Variants in DHRS12 observed in about 807,000 individuals in gnomAD.
DHRS12 encodes the protein dehydrogenase/reductase 12.
Under a neutral mutation model 32.1 loss-of-function variants are expected in DHRS12, and 29 were observed. The observed-to-expected ratio is 0.90, with a 90% confidence interval of 0.67 to 1.23. The LOEUF is 1.23. Ranked by LOEUF, DHRS12 falls within the 50% of genes most tolerant of loss-of-function variation. The pLI is 0.00. For synonymous variants in DHRS12, 150 were observed against 135.9 expected, an observed-to-expected ratio of 1.10 and a Z score of -0.72; for missense variants, 330 against 337.2, an observed-to-expected ratio of 0.98 and a Z score of 0.17.
the DHRS12 span, chr13:51,761,198 A>T: frequency 2.0e-5 from 3 of 152,174 alleles, no homozygotes; most frequent in East Asian, 1.9e-4. Flanking sequence ...AGTGCAGGCT[A>T]TGTTTCTGTG....
chr13:51,758,154 C>G, the DHRS12 span: 1 of 1,492,420 alleles, frequency 6.7e-7, no homozygotes, highest in South Asian at 1.3e-5. Context: ...CATATGTCAC[C>G]ACCTTTTCCC....
chr13:51,758,912 G>A, the DHRS12 span, among the ~76,000 whole-genome samples: 2 of 152,168 alleles, frequency 1.3e-5, no homozygotes, highest in African/African-American at 4.8e-5. Flanking sequence ...GGCTGGGTGT[G>A]TTGACTCACG....
At chr13:51,756,271 T>G in the DHRS12 span, 2 of 1,559,976 alleles carry the variant, frequency 1.3e-6, no homozygotes, top group Non-Finnish European at 1.7e-6. Flanking sequence ...AGGGGTGAGA[T>G]GCGGGGGCCT....
At chr13:51,770,084 T>C (rs1953943488) in intron 7 of DHRS12, among the ~76,000 whole-genome samples, 1 of 152,194 alleles carries the variant, frequency 6.6e-6, no homozygotes, top group Admixed American at 6.5e-5. Context: ...CTTACTGAGA[T>C]CATGGAATTT....
intron 4 of DHRS12, among the ~76,000 whole-genome samples, chr13:51,780,430 G>T (rs574961426): frequency 1.3e-5 from 2 of 152,134 alleles, no homozygotes; most frequent in East Asian, 3.8e-4. Context: ...AGGAGGGAAG[G>T]CACCTTCAGC....
chr13:51,768,978 T>C (rs1354673055), intron 8 of DHRS12, 178 bp downstream of exon 8: 2 of 1,410,672 alleles, frequency 1.4e-6, no homozygotes, highest in Non-Finnish European at 1.8e-6. Flanking sequence ...CAACCTGGAG[T>C]GAAGCGCTTC....
At chr13:51,762,227 A>G in the DHRS12 span, 1 of 152,232 alleles carries the variant, frequency 6.6e-6, no homozygotes, top group Non-Finnish European at 1.5e-5. Context: ...GCAAGCCTGT[A>G]TGGGTTCTGA....
At chr13:51,789,706 T>C in intron 4 of DHRS12, 1 of 985,446 alleles carries the variant, frequency 1.0e-6, no homozygotes, top group Non-Finnish European at 1.2e-6. Context: ...TTTTTAGACT[T>C]GCACTCAACA....
intron 4 of DHRS12, among the ~76,000 whole-genome samples, chr13:51,787,639 C>G (rs1232200187): frequency 6.8e-6 from 1 of 146,838 alleles, no homozygotes; most frequent in Non-Finnish European, 1.5e-5. Flanking sequence ...GTAGGACTAC[C>G]TCCATTATAG....
the DHRS12 span, among the ~76,000 whole-genome samples, chr13:51,759,447 C>T: frequency 6.6e-6 from 1 of 152,184 alleles, no homozygotes; most frequent in Non-Finnish European, 1.5e-5. Context: ...TTTAGTGACT[C>T]ACAGGAGGAT....
At chr13:51,756,662 C>G in the DHRS12 span, 1 of 983,644 alleles carries the variant, frequency 1.0e-6, no homozygotes, top group Non-Finnish European at 1.2e-6. Flanking sequence ...AAAATACACT[C>G]AAAGAATTCA....
At chr13:51,758,130 A>C in the DHRS12 span, 3 of 1,322,870 alleles carry the variant, frequency 2.3e-6, no homozygotes, top group Admixed American at 1.8e-5. Flanking sequence ...ATGTCATCCT[A>C]GATCTCTCTC....
chr13:51,791,176 G>C lies in DHRS12; in HGVS notation c.208C>G (p.Leu70Val). 1 of 1,569,064 alleles carries C rather than the reference G, an allele frequency of 6.4e-7. No individual in the cohort carries two copies. The highest frequency in any genetic ancestry group is 1.2e-5 in the South Asian group (1 of 85,552). ...TTTACAAAGCTCACCAGAACATGGA[G>C]TTTATGTTCCTGCTTGAAATTTTCA... is the stretch of plus-strand genomic sequence containing the variant. ...FVENFKQEHKLHVLINNAGCM... is the reference protein window; with the variant it reads ...FVENFKQEHKVHVLINNAGCM... Residue 70 changes from leucine to valine, a missense_variant, in exon 3 of 9, where the codon CTC becomes GTC. Coordinates refer to ENST00000444610, the MANE Select transcript of DHRS12 (RefSeq NM_001377533.1).
chr13:51,759,746 G>A, the DHRS12 span: 6 of 1,613,850 alleles, frequency 3.7e-6, no homozygotes, highest in Admixed American at 1.7e-5. Context: ...GCAGTTGTGG[G>A]ATATGACCCC....
chr13:51,801,348 G>A (rs774007966), intron 1 of DHRS12, among the ~76,000 whole-genome samples: 3 of 152,024 alleles, frequency 2.0e-5, no homozygotes, highest in Non-Finnish European at 4.4e-5. Context: ...CACCACACCC[G>A]GCTAATTTTT....
intron 4 of DHRS12, among the ~76,000 whole-genome samples, chr13:51,789,082 T>C (rs762363625): frequency 6.6e-6 from 1 of 152,190 alleles, no homozygotes; most frequent in Non-Finnish European, 1.5e-5. Flanking sequence ...CAGTGATATG[T>C]TGGCTTCCAA....
At chr13:51,771,571 G>C in intron 7 of DHRS12, 3 of 1,574,088 alleles carry the variant, frequency 1.9e-6, no homozygotes, top group South Asian at 1.2e-5. Flanking sequence ...CGCCCCAGGC[G>C]CACCTGCTCC....
At chr13:51,769,677 G>A (rs2138881403) in intron 7 of DHRS12, among the ~76,000 whole-genome samples, 1 of 152,326 alleles carries the variant, frequency 6.6e-6, no homozygotes, top group Non-Finnish European at 1.5e-5. Flanking sequence ...CCTGGGTTCA[G>A]GAGCCCTCTC....
intron 4 of DHRS12, among the ~76,000 whole-genome samples, chr13:51,786,513 T>C (rs1165341326): frequency 6.6e-6 from 1 of 152,092 alleles, no homozygotes; most frequent in Non-Finnish European, 1.5e-5. Context: ...TGCAATCTCT[T>C]CCCCTCCATG....
Sources: gnomAD v4.1 joint callset for allele counts (sites outside exome capture counted in the v4.1 genomes callset) on GRCh38, gnomAD v4.1.1 for gene constraint, MANE v1.5 for transcripts, NCBI Gene and HGNC (gene_info 2026-07-23, HGNC 2026-07-21) for gene names.